Variants in USH2A observed in about 807,000 individuals in gnomAD.
The protein encoded by USH2A is Usher syndrome 2A (autosomal recessive, mild).
A neutral mutation model predicts 538.9 loss-of-function variants in USH2A; 443 were observed. The observed-to-expected ratio is 0.82, with a 90% CI of 0.76 to 0.89. The LOEUF is 0.89. Ranked by LOEUF, USH2A falls within the 40% of genes least tolerant of loss-of-function variation. USH2A has a pLI of 0.00. For missense variants in USH2A, 6,633 were observed against 6,324.8 expected (o/e 1.05, Z -1.65); for synonymous variants, 2,413 against 2,273.5 (o/e 1.06, Z -1.75).
chr1:215,930,798 A>G (rs1169857644), intron 38 of USH2A, among the ~76,000 whole-genome samples: 1 of 151,984 alleles, frequency 6.6e-6, no homozygotes, highest in Non-Finnish European at 1.5e-5. Context: ...CCCATTAGTA[A>G]CTCCAGACCT....
rs370195251 is a variant in USH2A, at chr1:215,745,173, T to A, written c.11390-1838A>T. On this transcript the variant is annotated intron_variant, in intron 58 of 71. Transcript: ENST00000307340. ...CTTAGAGTAAGACTTTTAGAGTGGA[T>A]CCTGCCTTCTTCACTCCAAAACTCA... 1.1e-4 allele frequency among the ~76,000 whole-genome samples: 17 copies of A among 152,314 alleles called. 1 individual carries two copies. In the South Asian group the frequency reaches 2.7e-3, roughly 24 times the overall value.
chr1:216,394,885 A>AT (rs1487781079), intron 3 of USH2A, among the ~76,000 whole-genome samples: 7 of 151,512 alleles, frequency 4.6e-5, no homozygotes, highest in South Asian at 2.1e-4. Flanking sequence ...CGCCCGGCTA[A>AT]TTTTTTGTAT....
chr1:215,756,734 G>A (rs1397517766), intron 58 of USH2A, among the ~76,000 whole-genome samples: 1 of 152,026 alleles, frequency 6.6e-6, no homozygotes, highest in African/African-American at 2.4e-5. Context: ...GACGAGCCTG[G>A]CCAGCATGGT....
At chr1:216,199,584 C>G in intron 17 of USH2A, 43 bp downstream of exon 17, 1 of 1,612,912 alleles carries the variant, frequency 6.2e-7, no homozygotes, top group Non-Finnish European at 8.5e-7. Context: ...GATTCTCATT[C>G]ATGTCTTGAC....
chr1:215,831,309 G>A (rs541801749), intron 47 of USH2A, among the ~76,000 whole-genome samples: 19 of 152,144 alleles, frequency 1.2e-4, no homozygotes, highest in African/African-American at 4.6e-4. Context: ...AAAACAAGCA[G>A]GCAGAAAATC....
At chr1:216,265,867 G>T in intron 11 of USH2A, among the ~76,000 whole-genome samples, 1 of 151,980 alleles carries the variant, frequency 6.6e-6, no homozygotes, top group East Asian at 1.9e-4. Context: ...GAAAGTAGAA[G>T]GTCGAATAGT....
At chr1:216,192,626 C>A (rs1318924330) in intron 19 of USH2A, among the ~76,000 whole-genome samples, 1 of 151,882 alleles carries the variant, frequency 6.6e-6, no homozygotes, top group Admixed American at 6.6e-5. Flanking sequence ...TGCTTGAACC[C>A]AGGAAGAGAA....
chr1:216,135,162 T>TCACA (rs1227457092), intron 21 of USH2A, among the ~76,000 whole-genome samples: 30 of 58,684 alleles, frequency 5.1e-4, no homozygotes, highest in African/African-American at 2.4e-3. Context: ...TCTCTCTCTC[T>TCACA]CTCTCACACA....
intron 13 of USH2A, among the ~76,000 whole-genome samples, chr1:216,246,324 T>C (rs2036044950): frequency 6.6e-6 from 1 of 152,186 alleles, no homozygotes. Context: ...TTACTTCAAG[T>C]GTAGAAATTG....
At chr1:215,986,310 C>CTTT (rs34962559) in intron 35 of USH2A, among the ~76,000 whole-genome samples, 2 of 131,430 alleles carry the variant, frequency 1.5e-5, no homozygotes, top group Non-Finnish European at 3.2e-5. Context: ...TTTTCTTTTT[C>CTTT]TTTTTTTTTT....
chr1:216,246,934 A>T lies in USH2A; in HGVS notation c.2460T>A (p.Asn820Lys). 1 of 1,614,142 alleles carries T rather than the reference A, an allele frequency of 6.2e-7. No homozygotes were observed. The highest frequency in any genetic ancestry group is 1.1e-5 in the South Asian group (1 of 91,092). ...ATTTATTGCACTGTCTCCCTTCAACATTGGGCTTGCAGATGCACTGCCCTG... is the reference window on the plus strand; with the variant it reads ...ATTTATTGCACTGTCTCCCTTCAACTTTGGGCTTGCAGATGCACTGCCCTG... ...AKTGQCICKP[N>K]VEGRQCNKCL... The change falls in exon 13 of 72, where the codon AAT becomes AAA. Residue 820 changes from asparagine (N) to lysine (K), a missense_variant. Asn to Lys is a moderately conservative substitution (Grantham distance 94). Coordinates refer to ENST00000307340, the MANE Select transcript of USH2A (RefSeq NM_206933.4).
intron 32 of USH2A, among the ~76,000 whole-genome samples, chr1:216,021,311 C>T (rs1668839631): frequency 6.6e-6 from 1 of 152,036 alleles, no homozygotes; most frequent in Non-Finnish European, 1.5e-5. Flanking sequence ...GAGGCAGTTT[C>T]CCCCATACTG....
At chr1:216,403,164 A>G (rs957727051) in intron 3 of USH2A, among the ~76,000 whole-genome samples, 1 of 152,184 alleles carries the variant, frequency 6.6e-6, no homozygotes, top group Non-Finnish European at 1.5e-5. Flanking sequence ...AACCACATTA[A>G]TAGACTAAAG....
At chr1:216,055,123 T>C (rs2030933813) in intron 30 of USH2A, among the ~76,000 whole-genome samples, 1 of 152,240 alleles carries the variant, frequency 6.6e-6, no homozygotes. Context: ...TATCTTCTAC[T>C]ACTGGCCAGT....
chr1:216,328,042 T>A (rs1302302279), intron 4 of USH2A, among the ~76,000 whole-genome samples: 2 of 152,134 alleles, frequency 1.3e-5, no homozygotes, highest in African/African-American at 4.8e-5. Flanking sequence ...GTATTTGCAA[T>A]GCCAAAAGGA....
At chr1:215,646,834 C>G (rs1026724183) in intron 67 of USH2A, among the ~76,000 whole-genome samples, 3 of 152,104 alleles carry the variant, frequency 2.0e-5, no homozygotes, top group African/African-American at 4.8e-5. Flanking sequence ...GCCCTCTTAT[C>G]TTTTATATCA....
At chr1:216,295,956 ATT>A (rs539553073) in intron 9 of USH2A, among the ~76,000 whole-genome samples, 1 of 150,844 alleles carries the variant, frequency 6.6e-6, no homozygotes, top group Non-Finnish European at 1.5e-5. Context: ...AGTCAAAAGC[ATT>A]TTTTTTTGGC....
At chr1:215,836,998 C>A (rs1443227343) in intron 47 of USH2A, among the ~76,000 whole-genome samples, 1 of 151,914 alleles carries the variant, frequency 6.6e-6, no homozygotes, top group Admixed American at 6.6e-5. Flanking sequence ...GGATTATAAA[C>A]TAATTAGTAT....
intron 32 of USH2A, among the ~76,000 whole-genome samples, chr1:216,017,219 T>G (rs868522013): frequency 6.0e-5 from 9 of 151,050 alleles, no homozygotes; most frequent in African/African-American, 7.3e-5. Flanking sequence ...CTTGCTATGG[T>G]TCTCTGTCTC....
Sources: gnomAD v4.1 joint callset for allele counts (sites outside exome capture counted in the v4.1 genomes callset) on GRCh38, gnomAD v4.1.1 for gene constraint, MANE v1.5 for transcripts, NCBI Gene and HGNC (gene_info 2026-07-23, HGNC 2026-07-21) for gene names.